ATP9A: variants seen among roughly 807,000 people sequenced by gnomAD.
ATP9A encodes the protein ATPase phospholipid transporting 9A, also known as probable phospholipid-transporting ATPase IIA.
In ATP9A, 52 loss-of-function variants were observed where a neutral mutation model predicts 144.1. The observed-to-expected ratio is 0.36, with a 90% CI of 0.29 to 0.45. The LOEUF (loss-of-function observed/expected upper bound fraction) is 0.45. Ranked by LOEUF, ATP9A falls within the 20% of genes least tolerant of loss-of-function variation. The pLI, the probability that ATP9A is intolerant of heterozygous loss-of-function variation, is 1.00. For synonymous variants in ATP9A, 582 were observed against 557.4 expected (o/e 1.04, Z -0.62); for missense variants, 947 against 1,392.7 (o/e 0.68, Z 5.09).
At chr20:51,766,740 T>C (rs138231221) in intron 1 of ATP9A, among the ~76,000 whole-genome samples, 2,160 of 151,746 alleles carry the variant, frequency 0.014, 23 homozygotes, top group South Asian at 0.023. Context: ...ACTCGGGAGG[T>C]TGAGGCAGAG....
intron 4 of ATP9A, 130 bp from the exon 5 acceptor site, chr20:51,697,612 G>T: frequency 1.3e-6 from 1 of 760,258 alleles, no homozygotes; most frequent in Non-Finnish European, 2.2e-6. Context: ...AGCTGCCAGT[G>T]ACTCCAGCAC....
chr20:51,633,994 T>C (rs2077280627), intron 15 of ATP9A, among the ~76,000 whole-genome samples: 1 of 152,078 alleles, frequency 6.6e-6, no homozygotes, highest in African/African-American at 2.4e-5. Flanking sequence ...GCCTTAACTG[T>C]GAATGTTTTT....
chr20:51,618,818 A>G lies in ATP9A; in HGVS notation c.2206-12T>C. 6.3e-7 allele frequency: 1 copy of G among 1,581,384 alleles called. No homozygotes were observed. Among genetic ancestry groups the G allele is most frequent in the Non-Finnish European group, 8.6e-7 (1 of 1,161,236 alleles). On this transcript the variant is annotated splice_polypyrimidine_tract_variant and intron_variant, in intron 20 of 27. Coordinates refer to ENST00000338821, the MANE Select transcript of ATP9A (RefSeq NM_006045.3). Reference sequence around the variant, plus strand: ...TACTTGAGGCAAACCTGCAGGGTGGAGGGAGAGGTGGTGCGTTGGTGGAGG... The same window carrying G: ...TACTTGAGGCAAACCTGCAGGGTGGGGGGAGAGGTGGTGCGTTGGTGGAGG...
Position 51,599,690 on chromosome 20 carries a change from T to A in ATP9A, c.*1521A>T, listed in dbSNP as rs2122698328. The A allele has an allele frequency of 6.6e-6, 1 of 152,298 alleles. No homozygotes were observed. The highest frequency in any genetic ancestry group is 2.1e-4 in the South Asian group (1 of 4,826). 9.4% of individuals were successfully genotyped at this position (152,298 alleles called of 1,614,324 possible). On this transcript the variant is annotated 3_prime_UTR_variant, in exon 28 of 28. Transcript: ENST00000338821. ...GGCAAGGGACTATCTGATCCTCGTG[T>A]CTCCAGCTCTCCAAGAGCAGGAGTT...
intron 1 of ATP9A, among the ~76,000 whole-genome samples, chr20:51,758,554 G>A (rs1361145554): frequency 1.3e-5 from 2 of 152,212 alleles, no homozygotes. Flanking sequence ...CAGAGGTCAA[G>A]GTCAAAGGGT....
intron 3 of ATP9A, among the ~76,000 whole-genome samples, chr20:51,715,404 G>C (rs1301227561): frequency 6.6e-6 from 1 of 152,192 alleles, no homozygotes; most frequent in Non-Finnish European, 1.5e-5. Flanking sequence ...CCGGTGTGCA[G>C]GGCTGCCCCC....
rs143773747 is a variant in ATP9A at position 51,664,783 on chromosome 20, G to A, written c.1293+5214C>T. Among the ~76,000 whole-genome samples, 825 of 151,310 alleles carry A rather than the reference G, an allele frequency of 5.5e-3. 9 individuals carry two copies. The highest frequency in any genetic ancestry group is 0.017 in the South Asian group (83 of 4,780). On this transcript the variant is annotated intron_variant, in intron 13 of 27. Coordinates refer to ENST00000338821, the MANE Select transcript of ATP9A (RefSeq NM_006045.3). ...CACCCAGGTTGGAGTGCAGTGACGC[G>A]ATCTCAGCTCACTTCAACCTCCACC...
intron 15 of ATP9A, among the ~76,000 whole-genome samples, chr20:51,637,323 A>T (rs939560532): frequency 6.7e-6 from 1 of 148,522 alleles, no homozygotes; most frequent in Non-Finnish European, 1.5e-5. Flanking sequence ...AAAAAAAAAA[A>T]AAAAAAGACA....
chr20:51,656,405 T>A (rs1271525631), intron 14 of ATP9A, among the ~76,000 whole-genome samples: 1 of 151,896 alleles, frequency 6.6e-6, no homozygotes. Context: ...TACAAAAAAT[T>A]AGCCGGGCAT....
intron 4 of ATP9A, among the ~76,000 whole-genome samples, chr20:51,710,730 T>C (rs958324644): frequency 2.7e-4 from 41 of 152,160 alleles, no homozygotes; most frequent in African/African-American, 8.7e-4. Flanking sequence ...GGAAGACAAG[T>C]TTTTAATGCT....
At chr20:51,608,727 A>G (rs1349723665) in intron 24 of ATP9A, 101 bp from the exon 25 acceptor site, 1 of 755,608 alleles carries the variant, frequency 1.3e-6, no homozygotes, top group Non-Finnish European at 2.4e-6. Flanking sequence ...CCTCTAACAA[A>G]TATTTACTGC....
chr20:51,670,050 C>A lies in ATP9A; in HGVS notation c.1240G>T (p.Gly414Cys), dbSNP rs761728356. 1 of 1,614,098 alleles carries A rather than the reference C, an allele frequency of 6.2e-7. No homozygotes were observed. Among genetic ancestry groups the A allele is most frequent in the Admixed American group, 1.7e-5 (1 of 60,002 alleles). ...TGTACTTCGTCCATTGAGTCGAGGC[C>A]GTAGGCTACTGTTCCGAGATGGAGC... ...KRLHLGTVAY[G>C]LDSMDEVQSH... is the part of the protein sequence containing the mutation. The change falls in exon 13 of 28, where the codon GGC (glycine) becomes TGC (cysteine). Residue 414 changes from glycine (G) to cysteine (C), a missense_variant. Physicochemically the swap from Gly to Cys is radical, Grantham distance 159 (BLOSUM62 -3). This residue lies in a region of ATP9A where 770 missense variants were observed against 1,047.9 expected (regional missense o/e 0.73). Coordinates refer to ENST00000338821, the MANE Select transcript of ATP9A (RefSeq NM_006045.3).
intron 14 of ATP9A, among the ~76,000 whole-genome samples, chr20:51,647,875 T>G (rs1205832135): frequency 2.0e-5 from 3 of 152,230 alleles, no homozygotes; most frequent in Non-Finnish European, 4.4e-5. Flanking sequence ...TTTCCTACAG[T>G]GTCTGTAAAA....
At chr20:51,753,697 C>T (rs1207235015) in intron 1 of ATP9A, among the ~76,000 whole-genome samples, 1 of 146,456 alleles carries the variant, frequency 6.8e-6, no homozygotes, top group Non-Finnish European at 1.5e-5. Flanking sequence ...GACTGAGCCT[C>T]GCTCTGTCAC....
At chr20:51,697,203 C>A (rs1285740636) in intron 5 of ATP9A, among the ~76,000 whole-genome samples, 1 of 152,104 alleles carries the variant, frequency 6.6e-6, no homozygotes, top group African/African-American at 2.4e-5. Context: ...GGATTTCTGG[C>A]TAACCAACGC....
At chr20:51,671,365 T>C in intron 11 of ATP9A, 108 bp from the exon 12 acceptor site, 1 of 1,323,462 alleles carries the variant, frequency 7.6e-7, no homozygotes. Context: ...CCGGACTCAC[T>C]CCCTGCAGAA....
At chr20:51,653,182 C>CT (rs56872433) in intron 14 of ATP9A, among the ~76,000 whole-genome samples, 66,336 of 146,234 alleles carry the variant, frequency 0.45, 16,257 homozygotes, top group East Asian at 0.81. Context: ...GAAAGTAGTT[C>CT]TTTTTTTTTT....
intron 5 of ATP9A, among the ~76,000 whole-genome samples, chr20:51,696,933 C>T (rs760692929): frequency 9.9e-5 from 15 of 152,106 alleles, no homozygotes; most frequent in Admixed American, 7.2e-4. Context: ...CATACTGACA[C>T]GGCTATTTTT....
intron 26 of ATP9A, among the ~76,000 whole-genome samples, chr20:51,607,047 A>G (rs768017403): frequency 1.3e-4 from 20 of 151,684 alleles, no homozygotes; most frequent in Non-Finnish European, 2.5e-4. Context: ...ATAAATATAT[A>G]TATGTAAATT....
Sources: allele counts gnomAD v4.1 joint callset (sites outside exome capture counted in the v4.1 genomes callset), GRCh38; gene constraint gnomAD v4.1.1; regional missense constraint gnomAD v4.1.1; transcripts MANE v1.5; gene names NCBI Gene and HGNC (gene_info 2026-07-23, HGNC 2026-07-21).